The following FGF2 variants were observed in gnomAD, a reference collection of about 807,000 sequenced individuals.
FGF2 encodes the protein basic fibroblast growth factor bFGF.
Under a neutral mutation model 15.9 loss-of-function variants are expected in FGF2, and 13 were observed. The ratio of observed to expected loss-of-function variants is 0.82; its 90% CI spans 0.53 to 1.30. FGF2 has a LOEUF of 1.30. Ranked by LOEUF, FGF2 falls within the 50% of genes most tolerant of loss-of-function variation. The probability of loss-of-function intolerance (pLI) is 0.00; values close to 1 mark genes in which losing one functional copy is unlikely to be tolerated. For missense variants in FGF2, 163 were observed against 196.9 expected (o/e 0.83, Z 1.03); for synonymous variants, 90 against 78.4 (o/e 1.15, Z -0.78).
At chr4:122,869,242 T>G (rs1013845371) in intron 1 of FGF2, among the ~76,000 whole-genome samples, 1 of 152,216 alleles carries the variant, frequency 6.6e-6, no homozygotes, top group African/African-American at 2.4e-5. Context: ...ACTGCAGCCT[T>G]GTAGTATAGT....
rs570623379 is a variant in FGF2 at position 122,876,724 on chromosome 4, T to A, written c.282+300T>A. 2.9e-4 allele frequency among the ~76,000 whole-genome samples: 44 copies of A among 152,264 alleles called. No individual in the cohort carries two copies. In the East Asian group the frequency reaches 5.4e-3, roughly 19 times the overall value. On this transcript the variant is annotated intron_variant, in intron 2 of 2. Coordinates refer to ENST00000644866, the MANE Select transcript of FGF2 (RefSeq NM_001361665.2). ...CTATTAAGCTATAATTTAAAAAAAATTTTCTTCTATTATGCAGTTGTTTGA... is the reference window on the plus strand; with the variant it reads ...CTATTAAGCTATAATTTAAAAAAAAATTTCTTCTATTATGCAGTTGTTTGA...
At position 122,847,802 on chromosome 4, in the gene FGF2, G is replaced by T. The variant is rs115044518; in HGVS notation, c.178+20450G>T. 2.7e-3 allele frequency among the ~76,000 whole-genome samples: 409 copies of T among 152,330 alleles called. 2 individuals carry two copies. The Middle Eastern group carries it at 0.027, about 10-fold the overall frequency. The stretch of plus-strand genomic sequence containing the variant: ...GTTCAAGACCAAAGGCCGTCTGCTG[G>T]CTGAATTCCTTCTTGCTGGAGGAAA... On this transcript the variant is annotated intron_variant, in intron 1 of 2. Coordinates refer to ENST00000644866, the MANE Select transcript of FGF2 (RefSeq NM_001361665.2).
At chr4:122,891,051 G>GT (rs1164191430) in intron 2 of FGF2, among the ~76,000 whole-genome samples, 2 of 79,510 alleles carry the variant, frequency 2.5e-5, no homozygotes, top group African/African-American at 4.2e-5. Context: ...GTTTTGTTTT[G>GT]TTTTTTTGAG....
chr4:122,877,402 C>T (rs955030475), intron 2 of FGF2, among the ~76,000 whole-genome samples: 2 of 152,142 alleles, frequency 1.3e-5, no homozygotes, highest in African/African-American at 2.4e-5. Context: ...CGTGAGCCAC[C>T]GTGCCTGGCT....
chr4:122,842,570 A>G (rs1300937918), intron 1 of FGF2, among the ~76,000 whole-genome samples: 4 of 152,208 alleles, frequency 2.6e-5, no homozygotes, highest in Non-Finnish European at 4.4e-5. Context: ...GTCTCTGTGT[A>G]TAATTAACAG....
intron 1 of FGF2, among the ~76,000 whole-genome samples, chr4:122,828,665 A>T (rs1725699198): frequency 6.6e-6 from 1 of 152,212 alleles, no homozygotes; most frequent in South Asian, 2.1e-4. Context: ...ATATGAGCTG[A>T]GTCTTTATTG....
intron 1 of FGF2, among the ~76,000 whole-genome samples, chr4:122,862,001 A>G (rs1031443248): frequency 2.6e-5 from 4 of 152,074 alleles, no homozygotes; most frequent in Non-Finnish European, 4.4e-5. Context: ...TAGCCTGTGT[A>G]TATTTTTCTC....
rs17006259 is a variant in FGF2 at position 122,878,320 on chromosome 4, G to T, written c.282+1896G>T. Reference sequence around the variant, plus strand: ...AAGTAGAATTTTAGACGTTGTAAAGGAAGGAGTTCAGCAGGCAGTCATGGG... The same window carrying T: ...AAGTAGAATTTTAGACGTTGTAAAGTAAGGAGTTCAGCAGGCAGTCATGGG... On this transcript the variant is annotated intron_variant, in intron 2 of 2. Coordinates refer to ENST00000644866, the MANE Select transcript of FGF2 (RefSeq NM_001361665.2). 1.0e-2 allele frequency among the ~76,000 whole-genome samples: 1,519 copies of T among 152,252 alleles called. 31 individuals are homozygous for T. The highest frequency in any genetic ancestry group is 0.034 in the African/African-American group (1,402 of 41,550).
At chr4:122,856,418 T>C (rs1027096379) in intron 1 of FGF2, among the ~76,000 whole-genome samples, 5 of 152,332 alleles carry the variant, frequency 3.3e-5, no homozygotes, top group African/African-American at 1.2e-4. Flanking sequence ...CTGCGGGCTC[T>C]TCTGCCCTTG....
chr4:122,829,130 T>A (rs539815266), intron 1 of FGF2, among the ~76,000 whole-genome samples: 2 of 152,334 alleles, frequency 1.3e-5, no homozygotes, highest in South Asian at 4.1e-4. Context: ...AATAAAACTA[T>A]GTAGAGGTTA....
At chr4:122,844,074 C>T (rs1560739999) in intron 1 of FGF2, among the ~76,000 whole-genome samples, 2 of 152,138 alleles carry the variant, frequency 1.3e-5, no homozygotes, top group African/African-American at 4.8e-5. Context: ...AGCATTTTAC[C>T]TACAGTAGAA....
At chr4:122,890,584 TC>T (rs1190138615) in intron 2 of FGF2, among the ~76,000 whole-genome samples, 1 of 152,222 alleles carries the variant, frequency 6.6e-6, no homozygotes, top group Non-Finnish European at 1.5e-5. Context: ...TTTAGTTCTT[TC>T]CCAGGCTTTA....
At chr4:122,846,096 C>T (rs1726104182) in intron 1 of FGF2, among the ~76,000 whole-genome samples, 1 of 152,198 alleles carries the variant, frequency 6.6e-6, no homozygotes, top group South Asian at 2.1e-4. Flanking sequence ...TCTTAGGGAA[C>T]AGGGAGGCCC....
At chr4:122,859,675 CAA>C (rs397835721) in intron 1 of FGF2, among the ~76,000 whole-genome samples, 11 of 137,318 alleles carry the variant, frequency 8.0e-5, no homozygotes, top group African/African-American at 2.4e-4. Flanking sequence ...CACACACACA[CAA>C]AAGATCTATA....
At chr4:122,881,434 T>C (rs1726958596) in intron 2 of FGF2, among the ~76,000 whole-genome samples, 1 of 152,222 alleles carries the variant, frequency 6.6e-6, no homozygotes. Context: ...AATCACATTT[T>C]GAATGCTTTG....
chr4:122,880,894 G>T (rs914693495), intron 2 of FGF2, among the ~76,000 whole-genome samples: 2 of 152,162 alleles, frequency 1.3e-5, no homozygotes, highest in African/African-American at 4.8e-5. Context: ...CTCCATGAGG[G>T]CCCCAACCCT....
intron 1 of FGF2, among the ~76,000 whole-genome samples, chr4:122,858,315 A>G (rs1016726617): frequency 3.3e-5 from 5 of 152,014 alleles, no homozygotes; most frequent in Admixed American, 3.3e-4. Flanking sequence ...TTATCTGATT[A>G]TTACCATGGG....
chr4:122,873,792 G>C (rs184222696), intron 1 of FGF2, among the ~76,000 whole-genome samples: 135 of 152,076 alleles, frequency 8.9e-4, no homozygotes, highest in African/African-American at 3.0e-3. Context: ...TGTAGACTCT[G>C]GTTATTTTTA....
At chr4:122,838,847 A>T (rs114120139) in intron 1 of FGF2, among the ~76,000 whole-genome samples, 1,565 of 152,330 alleles carry the variant, frequency 0.01, 34 homozygotes, top group African/African-American at 0.036. Context: ...GTAGCATGTA[A>T]TTAAGAATGA....
Sources: allele counts gnomAD v4.1 joint callset (sites outside exome capture counted in the v4.1 genomes callset), GRCh38; gene constraint gnomAD v4.1.1; transcripts MANE v1.5; gene names NCBI Gene and HGNC (gene_info 2026-07-23, HGNC 2026-07-21).